Variants in PCDHGB6 observed in about 807,000 individuals in gnomAD.
PCDHGB6 encodes protocadherin gamma subfamily B, 6, also known as protocadherin gamma-B6.
In PCDHGB6, 51 loss-of-function variants were observed where a neutral mutation model predicts 59.1. That is an observed-to-expected ratio of 0.86 (90% CI 0.69 to 1.09). The LOEUF (loss-of-function observed/expected upper bound fraction) is 1.09. Ranked by LOEUF, PCDHGB6 falls within the 50% of genes least tolerant of loss-of-function variation. The probability of loss-of-function intolerance (pLI) is 0.00; values close to 1 mark genes in which losing one functional copy is unlikely to be tolerated. For missense variants in PCDHGB6, 1,148 were observed against 1,205.1 expected (o/e 0.95, Z 0.70); for synonymous variants, 466 against 495.1 (o/e 0.94, Z 0.78).
rs1463716042 is a variant in PCDHGB6 at position 141,511,338 on chromosome 5, T to C, written c.*165T>C. 42 of 1,429,834 alleles carry C rather than the reference T, an allele frequency of 2.9e-5. No homozygotes were observed. The highest frequency in any genetic ancestry group is 3.9e-5 in the Non-Finnish European group (42 of 1,075,502). 88.6% of individuals were successfully genotyped at this position (1,429,834 alleles called of 1,614,324 possible). A position where few individuals can be genotyped will look rare whatever the true frequency, so the allele number is the denominator to read the frequency against. On this transcript the variant is annotated 3_prime_UTR_variant, in exon 4 of 4. Coordinates refer to ENST00000520790, the MANE Select transcript of PCDHGB6 (RefSeq NM_018926.3). ...CAGAAACAAGTGCCCAGTCAGCACC[T>C]ACCCCTTCCCCCCCAGGGGGTTGAA... is the stretch of plus-strand genomic sequence containing the variant.
At position 141,410,612 on chromosome 5, in the gene PCDHGB6, C is replaced by CT. The variant is rs748943892; in HGVS notation, c.2411dup (p.Thr805AspfsTer28). The CT allele has an allele frequency of 5.6e-6, 9 of 1,605,878 alleles. 1 individual carries two copies. The South Asian group carries it at 9.9e-5, about 18-fold the overall frequency. On this transcript the variant is annotated frameshift_variant, in exon 1 of 4. Transcript: ENST00000520790. LOFTEE classifies it high-confidence loss of function. ...GGATTTGACTTCACATCCTGAGACT[C>CT]TGACTTCGGTGAGTTTCTCTTTTTT...
chr5:141,478,560 A>G, intron 1 of PCDHGB6: 1 of 1,598,736 alleles, frequency 6.3e-7, no homozygotes, highest in Non-Finnish European at 8.5e-7. Flanking sequence ...AGGTTTAGCA[A>G]GTCATGCTTG....
In PCDHGB6 at chr5:141,476,650, A is replaced by G. The variant is rs2099395609; in HGVS notation, c.2419-18157A>G. 6.2e-7 allele frequency: 1 copy of G among 1,614,126 alleles called. No individual in the cohort carries two copies. The highest frequency in any genetic ancestry group is 1.3e-5 in the African/African-American group (1 of 74,952). On this transcript the variant is annotated intron_variant, in intron 1 of 3. Transcript: ENST00000520790. This position sits in a 1 kb window ranked among gnomAD's most constrained non-coding sequence, Gnocchi z 7.6. Reference sequence around the variant, plus strand: ...AAACCTATGAGCTGAGCCGAAATGAATACTTTGCGCTTCGCGTGCAGACGC... The same window carrying G: ...AAACCTATGAGCTGAGCCGAAATGAGTACTTTGCGCTTCGCGTGCAGACGC...
At chr5:141,446,621 C>T (rs1284919173) in intron 1 of PCDHGB6, among the ~76,000 whole-genome samples, 2 of 152,094 alleles carry the variant, frequency 1.3e-5, no homozygotes, top group Non-Finnish European at 2.9e-5. Flanking sequence ...GGACTACAGG[C>T]GTGCACCACC....
At chr5:141,455,920 C>A (rs941360102) in intron 1 of PCDHGB6, among the ~76,000 whole-genome samples, 1 of 147,944 alleles carries the variant, frequency 6.8e-6, no homozygotes, top group Non-Finnish European at 1.5e-5. Flanking sequence ...TATTTTGAGA[C>A]GGAGTCTCGC....
chr5:141,417,633 G>C, intron 1 of PCDHGB6: 1 of 712,146 alleles, frequency 1.4e-6, no homozygotes, highest in South Asian at 2.3e-5. Flanking sequence ...CGCTGACGCC[G>C]GGGATCCCTC....
Position 141,409,647 on chromosome 5 carries a change from G to A in PCDHGB6, c.1445G>A (p.Gly482Glu). Residue 482 changes from glycine (G) to glutamate (E), a missense_variant, in exon 1 of 4, where the codon GGG becomes GAG. Gly to Glu is a moderately conservative substitution (Grantham distance 98). Coordinates refer to ENST00000520790, the MANE Select transcript of PCDHGB6 (RefSeq NM_018926.3). ...AQVSASDPDL[G>E]LNGHISYSIV... ...GTGAGCGCCTCTGACCCGGATTTGG[G>A]GCTCAATGGCCACATCTCCTACTCT... 1.2e-6 allele frequency: 2 copies of A among 1,613,668 alleles called. No homozygotes were observed. The highest frequency in any genetic ancestry group is 1.7e-6 in the Non-Finnish European group (2 of 1,179,864).
At chr5:141,418,685 G>A (rs750217981) in intron 1 of PCDHGB6, 1 of 1,614,056 alleles carries the variant, frequency 6.2e-7, no homozygotes, top group African/African-American at 1.3e-5. Context: ...CATCAACTCA[G>A]AGATCACTTA....
intron 1 of PCDHGB6, chr5:141,411,444 T>C (rs1589800236): frequency 6.8e-6 from 1 of 147,662 alleles, no homozygotes; most frequent in African/African-American, 2.5e-5. Context: ...ATTAGCAGAG[T>C]GTGGTAGCAT....
intron 1 of PCDHGB6, among the ~76,000 whole-genome samples, chr5:141,443,866 T>C (rs1017854695): frequency 6.6e-6 from 1 of 151,986 alleles, no homozygotes; most frequent in Non-Finnish European, 1.5e-5. Context: ...ACTGAAAAAA[T>C]TACTGATAAG....
chr5:141,502,661 T>G (rs1440361647), intron 2 of PCDHGB6, among the ~76,000 whole-genome samples: 1 of 152,240 alleles, frequency 6.6e-6, no homozygotes. Flanking sequence ...CAACCCTTCA[T>G]GCAATTTTAG....
At chr5:141,468,877 T>C (rs1321110515) in intron 1 of PCDHGB6, among the ~76,000 whole-genome samples, 2 of 149,546 alleles carry the variant, frequency 1.3e-5, no homozygotes, top group African/African-American at 4.9e-5. Context: ...AAAATAATAA[T>C]AATAATAATA....
intron 1 of PCDHGB6, among the ~76,000 whole-genome samples, chr5:141,438,635 TAC>T (rs56854727): frequency 0.14 from 4,591 of 32,686 alleles, 460 homozygotes; most frequent in Middle Eastern, 0.21. Flanking sequence ...TATATATATA[TAC>T]ACACACACAC....
chr5:141,477,817 C>G lies in PCDHGB6; in HGVS notation c.2419-16990C>G, dbSNP rs1593824080. 2 of 1,614,138 alleles carry G rather than the reference C, an allele frequency of 1.2e-6. No individual in the cohort carries two copies. The highest frequency in any genetic ancestry group is 8.5e-7 in the Non-Finnish European group (1 of 1,180,038). ...ATCGCAATGACAATGCCCCCCAGGT[C>G]CTATATCCTCGGCCAGGTGGGAGCT... is the stretch of plus-strand genomic sequence containing the variant. On this transcript the variant is annotated intron_variant, in intron 1 of 3. Coordinates refer to ENST00000520790, the MANE Select transcript of PCDHGB6 (RefSeq NM_018926.3). This position sits in a 1 kb window ranked among gnomAD's most constrained non-coding sequence, Gnocchi z 4.9.
In PCDHGB6 at chr5:141,461,484, T is replaced by C. The variant is rs1171584384; in HGVS notation, c.2419-33323T>C. On this transcript the variant is annotated intron_variant, in intron 1 of 3. Transcript: ENST00000520790. ...GTCCTTTGCCTACTTTTTAATGGGATTGTGTTTTATTTTTCTTGGTGATTT... is the reference window on the plus strand; with the variant it reads ...GTCCTTTGCCTACTTTTTAATGGGACTGTGTTTTATTTTTCTTGGTGATTT... 2.6e-5 allele frequency among the ~76,000 whole-genome samples: 4 copies of C among 152,152 alleles called. No homozygotes were observed. In the East Asian group the frequency reaches 7.7e-4, roughly 29 times the overall value.
At chr5:141,437,460 T>C (rs2097886220) in intron 1 of PCDHGB6, among the ~76,000 whole-genome samples, 1 of 152,230 alleles carries the variant, frequency 6.6e-6, no homozygotes, top group South Asian at 2.1e-4. Flanking sequence ...GAGACTATAC[T>C]ATACTTTTAT....
At chr5:141,496,285 A>G (rs1003747820) in intron 2 of PCDHGB6, among the ~76,000 whole-genome samples, 1 of 152,210 alleles carries the variant, frequency 6.6e-6, no homozygotes, top group Non-Finnish European at 1.5e-5. Flanking sequence ...AGTTGGTCTG[A>G]GCAGAGTGGG....
chr5:141,427,985 C>A (rs747784722), intron 1 of PCDHGB6: 23 of 1,597,524 alleles, frequency 1.4e-5, no homozygotes, highest in Non-Finnish European at 1.9e-5. Context: ...CGCTGGGGCC[C>A]GATGGCTCCG....
chr5:141,421,297 C>T (rs143092131), intron 1 of PCDHGB6: 106 of 1,613,512 alleles, frequency 6.6e-5, no homozygotes, highest in Non-Finnish European at 8.5e-5. Flanking sequence ...CCTGGGGACG[C>T]TGCGGGGGTT....
Sources: gnomAD v4.1 joint callset for allele counts (sites outside exome capture counted in the v4.1 genomes callset) on GRCh38, gnomAD v4.1.1 for gene constraint, Gnocchi (gnomAD v3.1) non-coding constraint, MANE v1.5 for transcripts, NCBI Gene and HGNC (gene_info 2026-07-23, HGNC 2026-07-21) for gene names.